CADPS2: variants seen among roughly 807,000 people sequenced by gnomAD.
CADPS2 encodes the protein calcium-dependent secretion activator 2.
Under a neutral mutation model 172.5 loss-of-function variants are expected in CADPS2, and 93 were observed. The ratio of observed to expected loss-of-function variants is 0.54; its 90% confidence interval spans 0.46 to 0.64. The LOEUF is 0.64. CADPS2 is among the 30% of genes least tolerant of loss of function. The pLI is 0.00. For missense variants in CADPS2, 1,420 were observed against 1,565.9 expected, an observed-to-expected ratio of 0.91 and a Z score of 1.57; for synonymous variants, 546 against 555.2, an observed-to-expected ratio of 0.98 and a Z score of 0.23.
At chr7:122,339,899 T>C (rs1157397393) in intron 28 of CADPS2, among the ~76,000 whole-genome samples, 2 of 152,072 alleles carry the variant, frequency 1.3e-5, no homozygotes, top group Non-Finnish European at 2.9e-5. Context: ...AAAATAAAGT[T>C]CTGGGCATTT....
chr7:122,804,701 T>C (rs908283792), intron 1 of CADPS2, among the ~76,000 whole-genome samples: 2 of 152,136 alleles, frequency 1.3e-5, no homozygotes, highest in Non-Finnish European at 2.9e-5. Context: ...TCATAAAGGG[T>C]CAGTGTTCCT....
At chr7:122,677,665 A>T (rs1293973914) in intron 2 of CADPS2, among the ~76,000 whole-genome samples, 1 of 152,210 alleles carries the variant, frequency 6.6e-6, no homozygotes, top group Non-Finnish European at 1.5e-5. Flanking sequence ...AACAACAATA[A>T]AAACCCAAAA....
rs541793211 is a variant in CADPS2 at position 122,419,747 on chromosome 7, T to C, written c.2477-3583A>G. On this transcript the variant is annotated intron_variant, in intron 17 of 29. Coordinates refer to ENST00000449022, the MANE Select transcript of CADPS2 (RefSeq NM_017954.11). Reference sequence around the variant, plus strand: ...TATATTATTTCAATGGACTCATATATGTGTATAACATGTTTTTCATAAAGA... The same window carrying C: ...TATATTATTTCAATGGACTCATATACGTGTATAACATGTTTTTCATAAAGA... Among the ~76,000 whole-genome samples the C allele has an allele frequency of 8.0e-5, 12 of 150,546 alleles. No homozygotes were observed. The East Asian group carries it at 1.7e-3, about 22-fold the overall frequency.
intron 2 of CADPS2, among the ~76,000 whole-genome samples, chr7:122,679,887 G>A (rs977684848): frequency 1.3e-5 from 2 of 152,170 alleles, no homozygotes; most frequent in Admixed American, 6.5e-5. Context: ...GTTTTACAAA[G>A]ATGGTTTTTA....
chr7:122,542,516 A>T (rs1004370615), intron 8 of CADPS2, among the ~76,000 whole-genome samples: 2 of 152,146 alleles, frequency 1.3e-5, no homozygotes, highest in African/African-American at 4.8e-5. Context: ...GGAAAGGCTA[A>T]ACAAATGGGA....
At chr7:122,737,206 A>T in intron 1 of CADPS2, 138 bp from the exon 2 acceptor site, 1 of 573,534 alleles carries the variant, frequency 1.7e-6, no homozygotes, top group Non-Finnish European at 3.1e-6. Flanking sequence ...AAGCTAAAAC[A>T]TCCTACTACT....
chr7:122,752,328 A>T (rs1229280716), intron 1 of CADPS2, among the ~76,000 whole-genome samples: 1 of 152,232 alleles, frequency 6.6e-6, no homozygotes, highest in Non-Finnish European at 1.5e-5. Flanking sequence ...AGCAAAGAAC[A>T]GATAAACAAA....
chr7:122,810,054 C>T (rs1193373980), intron 1 of CADPS2, among the ~76,000 whole-genome samples: 1 of 152,106 alleles, frequency 6.6e-6, no homozygotes, highest in Non-Finnish European at 1.5e-5. Context: ...CTATACCTTG[C>T]AGTAGAGGAC....
At position 122,710,773 on chromosome 7, in the gene CADPS2, T is replaced by C. The variant is rs116653053; in HGVS notation, c.453+26182A>G. Among the ~76,000 whole-genome samples, 1,481 of 152,246 alleles carry C rather than the reference T, an allele frequency of 9.7e-3. 24 individuals carry two copies. Among genetic ancestry groups the C allele is most frequent in the African/African-American group, 0.034 (1,405 of 41,570 alleles). On this transcript the variant is annotated intron_variant, in intron 2 of 29. Coordinates refer to ENST00000449022, the MANE Select transcript of CADPS2 (RefSeq NM_017954.11). ...TCCTATGACACATTATTTTTGTACC[T>C]ATTTGGCAGTCATTTAATTTTGCCT...
At chr7:122,467,837 C>T (rs1418236459) in intron 14 of CADPS2, among the ~76,000 whole-genome samples, 2 of 152,148 alleles carry the variant, frequency 1.3e-5, no homozygotes, top group African/African-American at 4.8e-5. Flanking sequence ...TTTTCTCCTT[C>T]CTGTCAGTCC....
intron 1 of CADPS2, among the ~76,000 whole-genome samples, chr7:122,769,034 G>T (rs1329614601): frequency 2.6e-5 from 4 of 151,862 alleles, no homozygotes; most frequent in African/African-American, 7.3e-5. Context: ...TTCAAATAGC[G>T]CTGTCAAATT....
intron 2 of CADPS2, chr7:122,681,378 C>G: frequency 2.0e-6 from 3 of 1,499,118 alleles, no homozygotes; most frequent in Admixed American, 1.7e-5. Context: ...GCAACCTGTT[C>G]GCTGTACTAA....
chr7:122,589,955 G>A (rs2070493036), intron 6 of CADPS2, among the ~76,000 whole-genome samples: 1 of 151,802 alleles, frequency 6.6e-6, no homozygotes, highest in Non-Finnish European at 1.5e-5. Flanking sequence ...ATAGAGCACT[G>A]AATTTTGAAA....
At chr7:122,838,817 T>C (rs1216868836) in intron 1 of CADPS2, among the ~76,000 whole-genome samples, 4 of 152,078 alleles carry the variant, frequency 2.6e-5, no homozygotes, top group African/African-American at 7.2e-5. Flanking sequence ...TGCTCATGGA[T>C]AGGAAGAATC....
chr7:122,443,559 GC>G (rs2151975403), intron 15 of CADPS2, among the ~76,000 whole-genome samples: 1 of 149,444 alleles, frequency 6.7e-6, no homozygotes, highest in South Asian at 2.1e-4. Flanking sequence ...TTATAATTAA[GC>G]CCTTTTTGTT....
intron 1 of CADPS2, among the ~76,000 whole-genome samples, chr7:122,813,020 T>G (rs904456191): frequency 2.0e-5 from 3 of 152,178 alleles, no homozygotes; most frequent in Non-Finnish European, 4.4e-5. Flanking sequence ...ATATCCAATA[T>G]GGGACACAGC....
intron 1 of CADPS2, among the ~76,000 whole-genome samples, chr7:122,760,731 A>G (rs1589038887): frequency 6.9e-6 from 1 of 145,322 alleles, no homozygotes; most frequent in South Asian, 2.2e-4. Flanking sequence ...CAAACACCGC[A>G]TGTTCTCACT....
intron 19 of CADPS2, among the ~76,000 whole-genome samples, chr7:122,412,129 C>T (rs1357873515): frequency 6.6e-6 from 1 of 152,194 alleles, no homozygotes; most frequent in African/African-American, 2.4e-5. Context: ...TGGTCATCCT[C>T]TTCCAAGATG....
At chr7:122,705,664 TATA>T (rs1411265162) in intron 2 of CADPS2, among the ~76,000 whole-genome samples, 6 of 79,156 alleles carry the variant, frequency 7.6e-5, no homozygotes, top group Non-Finnish European at 9.1e-5. Context: ...ATATCTCATA[TATA>T]ATATATTATA....
Sources: gnomAD v4.1 joint callset for allele counts (sites outside exome capture counted in the v4.1 genomes callset) on GRCh38, gnomAD v4.1.1 for gene constraint, MANE v1.5 for transcripts, NCBI Gene and HGNC (gene_info 2026-07-23, HGNC 2026-07-21) for gene names.